The following GALNT18 variants were observed in gnomAD, a reference collection of about 807,000 sequenced individuals.
GALNT18 encodes the protein GalNAc-transferase 18.
GALNT18 carries 44 observed loss-of-function variants against 69.5 expected under a neutral mutation model. That is an observed-to-expected ratio of 0.63 (90% CI 0.50 to 0.81). The LOEUF (loss-of-function observed/expected upper bound fraction) is 0.81, where lower values mean the gene tolerates loss of function less well. GALNT18 is among the 40% of genes least tolerant of loss of function. GALNT18 has a pLI of 0.00. For synonymous variants in GALNT18, 364 were observed against 318.2 expected (o/e 1.14, Z -1.53); for missense variants, 715 against 810.0 (o/e 0.88, Z 1.42).
At chr11:11,288,539 G>A (rs995660536) in intron 10 of GALNT18, among the ~76,000 whole-genome samples, 6 of 152,104 alleles carry the variant, frequency 3.9e-5, no homozygotes, top group Non-Finnish European at 7.3e-5. Flanking sequence ...GCTCCTTGAG[G>A]GCAGAAGCTG....
At position 11,500,387 on chromosome 11, in the gene GALNT18, T is replaced by G. The variant is rs192153854; in HGVS notation, c.236-51451A>C. Among the ~76,000 whole-genome samples, 7 of 152,322 alleles carry G rather than the reference T, an allele frequency of 4.6e-5. No homozygotes were observed. In the East Asian group the frequency reaches 1.4e-3, roughly 29 times the overall value. ...TGTCTGAACCTTTCTGAGGCTTCAT[T>G]TCCTCACATGGAAAGTGGTGATGGT... On this transcript the variant is annotated intron_variant, in intron 1 of 10. Coordinates refer to ENST00000227756, the MANE Select transcript of GALNT18 (RefSeq NM_198516.3). The surrounding 1 kb of genome is among the most constrained non-coding windows in gnomAD (Gnocchi z 5.0).
At chr11:11,450,130 G>A (rs1334482138) in intron 1 of GALNT18, among the ~76,000 whole-genome samples, 1 of 152,228 alleles carries the variant, frequency 6.6e-6, no homozygotes, top group Non-Finnish European at 1.5e-5. Context: ...CATGAGGGAA[G>A]TAAGAGATGG....
At position 11,602,236 on chromosome 11, in the gene GALNT18, G is replaced by A. The variant is rs557256473; in HGVS notation, c.235+19123C>T. Among the ~76,000 whole-genome samples the A allele has an allele frequency of 6.6e-6, 1 of 152,280 alleles. No homozygotes were observed. The highest frequency in any genetic ancestry group is 2.1e-4 in the South Asian group (1 of 4,824). The stretch of plus-strand genomic sequence containing the variant: ...TGGTAGTCACTGATCTTCTTGAATT[G>A]TCTCTCCTGTTATGAAACCTCCACC... On this transcript the variant is annotated intron_variant, in intron 1 of 10. Coordinates refer to ENST00000227756, the MANE Select transcript of GALNT18 (RefSeq NM_198516.3). The surrounding 1 kb of genome is among the most constrained non-coding windows in gnomAD (Gnocchi z 4.7).
chr11:11,348,088 GAA>G (rs57109117), intron 6 of GALNT18, among the ~76,000 whole-genome samples: 126,723 of 152,010 alleles, frequency 0.83, 57,444 homozygotes, highest in East Asian at 1. Context: ...ATAAGAAAGA[GAA>G]GAGAGGGCCG....
rs1346348032 is a variant in GALNT18, at chr11:11,590,335, CA to C, written c.235+31023del. Among the ~76,000 whole-genome samples the C allele has an allele frequency of 6.6e-6, 1 of 152,216 alleles. No individual in the cohort carries two copies. Among genetic ancestry groups the C allele is most frequent in the Non-Finnish European group, 1.5e-5 (1 of 68,038 alleles). On this transcript the variant is annotated intron_variant, in intron 1 of 10. Coordinates refer to ENST00000227756, the MANE Select transcript of GALNT18 (RefSeq NM_198516.3). The surrounding 1 kb of genome is among the most constrained non-coding windows in gnomAD (Gnocchi z 4.4). ...GGGTCACGCAGAAAGCGACAGGGCCCAAGCCTATGTCCTTGGATGGAAGGAA... is the reference window on the plus strand; with the variant it reads ...GGGTCACGCAGAAAGCGACAGGGCCCAGCCTATGTCCTTGGATGGAAGGAA...
At chr11:11,482,542 G>A (rs1590041835) in intron 1 of GALNT18, among the ~76,000 whole-genome samples, 2 of 152,326 alleles carry the variant, frequency 1.3e-5, no homozygotes, top group Non-Finnish European at 1.5e-5. Context: ...GCAAGACCCA[G>A]CCCTTTATGG....
rs922941130 is a variant in GALNT18, at chr11:11,372,349, G to C, written c.1092+166C>G. ...AGTCCTCTTCTTCCTGAAAAGTCAAGAGGCTCCACCCTGTGTCTTCCCAAT... is the reference window on the plus strand; with the variant it reads ...AGTCCTCTTCTTCCTGAAAAGTCAACAGGCTCCACCCTGTGTCTTCCCAAT... On this transcript the variant is annotated intron_variant, in intron 6 of 10. Transcript: ENST00000227756. The surrounding 1 kb of genome is among the most constrained non-coding windows in gnomAD (Gnocchi z 4.9). 6.6e-6 allele frequency among the ~76,000 whole-genome samples: 1 copy of C among 152,186 alleles called. No homozygotes were observed. Among genetic ancestry groups the C allele is most frequent in the Non-Finnish European group, 1.5e-5 (1 of 68,036 alleles).
chr11:11,602,337 A>G lies in GALNT18; in HGVS notation c.235+19022T>C, dbSNP rs190475694. ...AGGGTAAAGCTTCCACCCTGTAAGTAGGGGCAGCCCCAGACCACTCAACCA... is the reference window on the plus strand; with the variant it reads ...AGGGTAAAGCTTCCACCCTGTAAGTGGGGGCAGCCCCAGACCACTCAACCA... On this transcript the variant is annotated intron_variant, in intron 1 of 10. Coordinates refer to ENST00000227756, the MANE Select transcript of GALNT18 (RefSeq NM_198516.3). The surrounding 1 kb of genome is among the most constrained non-coding windows in gnomAD (Gnocchi z 4.7). Among the ~76,000 whole-genome samples the G allele has an allele frequency of 2.6e-5, 4 of 152,160 alleles. No homozygotes were observed. The highest frequency in any genetic ancestry group is 9.7e-5 in the African/African-American group (4 of 41,440).
chr11:11,547,073 T>C (rs1245315916), intron 1 of GALNT18, among the ~76,000 whole-genome samples: 1 of 152,208 alleles, frequency 6.6e-6, no homozygotes, highest in Non-Finnish European at 1.5e-5. Context: ...ATAATGCCTA[T>C]GTTGAAGAGC....
At chr11:11,311,996 G>T (rs1187020050) in intron 9 of GALNT18, among the ~76,000 whole-genome samples, 1 of 152,166 alleles carries the variant, frequency 6.6e-6, no homozygotes, top group Non-Finnish European at 1.5e-5. Context: ...TCGCTCTGTT[G>T]CCCAGGCTGG....
intron 9 of GALNT18, among the ~76,000 whole-genome samples, chr11:11,326,869 C>A (rs1464786686): frequency 6.6e-6 from 1 of 152,206 alleles, no homozygotes; most frequent in Admixed American, 6.5e-5. Flanking sequence ...GGAGTCATAG[C>A]ATCCACTCCC....
intron 7 of GALNT18, among the ~76,000 whole-genome samples, chr11:11,334,888 AGTG>A (rs1850083523): frequency 6.6e-6 from 1 of 152,208 alleles, no homozygotes; most frequent in Admixed American, 6.5e-5. Flanking sequence ...ATATTTATGA[AGTG>A]GTGAACACAG....
intron 6 of GALNT18, chr11:11,352,968 C>T (rs754914766): frequency 1.2e-6 from 2 of 1,614,134 alleles, no homozygotes; most frequent in East Asian, 2.2e-5. Flanking sequence ...AAATACTTCA[C>T]TGTATTTACC....
rs572534600 is a variant in GALNT18, at chr11:11,347,002, G to A, written c.1093-5998C>T. Among the ~76,000 whole-genome samples, 1 of 152,266 alleles carries A rather than the reference G, an allele frequency of 6.6e-6. No individual in the cohort carries two copies. Among genetic ancestry groups the A allele is most frequent in the Admixed American group, 6.5e-5 (1 of 15,302 alleles). ...TATATGACAAGCTCCCACGAGCAAA[G>A]GCGGGCATGTAGTGGGTTCTCAGGG... On this transcript the variant is annotated intron_variant, in intron 6 of 10. Coordinates refer to ENST00000227756, the MANE Select transcript of GALNT18 (RefSeq NM_198516.3). This position sits in a 1 kb window ranked among gnomAD's most constrained non-coding sequence, Gnocchi z 4.0.
rs977485175 is a variant in GALNT18 at position 11,503,667 on chromosome 11, C to G, written c.236-54731G>C. Among the ~76,000 whole-genome samples, 7 of 152,350 alleles carry G rather than the reference C, an allele frequency of 4.6e-5. No homozygotes were observed. In the South Asian group the frequency reaches 8.3e-4, roughly 18 times the overall value. Reference sequence around the variant, plus strand: ...AAGAAAAGATTTCCTAATTTTGAGTCAAAACTACTACAGTGCCACAGTATT... The same window carrying G: ...AAGAAAAGATTTCCTAATTTTGAGTGAAAACTACTACAGTGCCACAGTATT... On this transcript the variant is annotated intron_variant, in intron 1 of 10. Transcript: ENST00000227756.
At chr11:11,370,502 G>C (rs191220527) in intron 6 of GALNT18, among the ~76,000 whole-genome samples, 1 of 152,128 alleles carries the variant, frequency 6.6e-6, no homozygotes, top group Admixed American at 6.5e-5. Context: ...CAAGTTAACA[G>C]CTTGTTGGTT....
chr11:11,428,024 C>T (rs1373787094), intron 3 of GALNT18, among the ~76,000 whole-genome samples: 5 of 152,248 alleles, frequency 3.3e-5, no homozygotes, highest in Admixed American at 1.3e-4. Context: ...ATCTGCCAAA[C>T]TCCCCATGGC....
rs1855235035 is a variant in GALNT18 at position 11,430,200 on chromosome 11, T to C, written c.595+2421A>G. 6.6e-6 allele frequency among the ~76,000 whole-genome samples: 1 copy of C among 152,230 alleles called. No individual in the cohort carries two copies. The highest frequency in any genetic ancestry group is 2.1e-4 in the South Asian group (1 of 4,834). On this transcript the variant is annotated intron_variant, in intron 3 of 10. Transcript: ENST00000227756. This position sits in a 1 kb window ranked among gnomAD's most constrained non-coding sequence, Gnocchi z 4.9. ...TGTCTAGAACCCTCTTTGAACTCAC[T>C]GAACCAGAATCTCCTAGGAGAGCTT... is the stretch of plus-strand genomic sequence containing the variant.
chr11:11,462,791 T>C (rs960610569), intron 1 of GALNT18, among the ~76,000 whole-genome samples: 1 of 152,182 alleles, frequency 6.6e-6, no homozygotes, highest in Non-Finnish European at 1.5e-5. Context: ...CAGCTGATTC[T>C]AGGACCGGGA....
Sources: allele counts gnomAD v4.1 joint callset (sites outside exome capture counted in the v4.1 genomes callset), GRCh38; gene constraint gnomAD v4.1.1; non-coding constraint Gnocchi (gnomAD v3.1); transcripts MANE v1.5; gene names NCBI Gene and HGNC (gene_info 2026-07-23, HGNC 2026-07-21).